CENPT: variants seen among roughly 807,000 people sequenced by gnomAD.
CENPT encodes centromere protein T.
In CENPT, 42 loss-of-function variants were observed where a neutral mutation model predicts 59.7. The ratio of observed to expected loss-of-function variants is 0.70; its 90% CI spans 0.55 to 0.91. CENPT has a LOEUF of 0.91. Ranked by LOEUF, CENPT falls within the 40% of genes least tolerant of loss-of-function variation. The pLI is 0.00. For synonymous variants in CENPT, 295 were observed against 289.6 expected, an observed-to-expected ratio of 1.02 and a Z score of -0.19; for missense variants, 716 against 713.4, an observed-to-expected ratio of 1.00 and a Z score of -0.04.
chr16:67,842,289 T>G lies in CENPT; in HGVS notation c.-492+5112A>C, dbSNP rs2057766710. On this transcript the variant is annotated intron_variant, in intron 1 of 15. Coordinates refer to ENST00000562787, the MANE Select transcript of CENPT (RefSeq NM_025082.4). This position sits in a 1 kb window ranked among gnomAD's most constrained non-coding sequence, Gnocchi z 4.9. ...GCGGGGCATTGTGGGGGGCGTAGTC[T>G]CTTTCTCAGGCGGTCCTTCGCGGCG... The G allele has an allele frequency of 6.1e-6, 1 of 163,394 alleles. No homozygotes were observed. The highest frequency in any genetic ancestry group is 6.4e-5 in the Admixed American group (1 of 15,648). 10.1% of individuals were successfully genotyped at this position (163,394 alleles called of 1,614,324 possible).
In CENPT at chr16:67,841,362, C is replaced by T. The variant is rs373044261; in HGVS notation, c.-491-5704G>A. 9.2e-5 allele frequency among the ~76,000 whole-genome samples: 14 copies of T among 152,216 alleles called. No individual in the cohort carries two copies. In the East Asian group the frequency reaches 1.7e-3, roughly 19 times the overall value. ...CATGTCCCAGTTTGGTATTTTCCTA[C>T]GCTTGGCCCTACCCGGGCCACCCCT... On this transcript the variant is annotated intron_variant, in intron 1 of 15. Transcript: ENST00000562787.
intron 1 of CENPT, among the ~76,000 whole-genome samples, chr16:67,844,929 TA>T (rs1241316494): frequency 6.6e-6 from 1 of 151,982 alleles, no homozygotes; most frequent in Non-Finnish European, 1.5e-5. Flanking sequence ...GCTGGGATTA[TA>T]GGCACCCGCC....
At position 67,831,928 on chromosome 16, in the gene CENPT, TC is replaced by T. The variant is rs771362580; in HGVS notation, c.387-39del. The T allele has an allele frequency of 4.4e-5, 71 of 1,599,032 alleles. No individual in the cohort carries two copies. In the African/African-American group the frequency reaches 9.2e-4, roughly 21 times the overall value. ...AGCTTATCTCAGACAGGCCAGGAAG[TC>T]CAATTCTGGCTTTTGCAACCCCCAA... On this transcript the variant is annotated intron_variant, in intron 7 of 15. Transcript: ENST00000562787.
At chr16:67,838,354 G>A (rs1426346475) in intron 1 of CENPT, among the ~76,000 whole-genome samples, 4 of 152,228 alleles carry the variant, frequency 2.6e-5, no homozygotes, top group Non-Finnish European at 5.9e-5. Flanking sequence ...AGGCACGGTG[G>A]TTCATGCCTG....
In CENPT at chr16:67,830,261, C is replaced by G. The variant is rs1178148932; in HGVS notation, c.862+129G>C. 2.3e-6 allele frequency: 3 copies of G among 1,303,924 alleles called. No individual in the cohort carries two copies. The South Asian group carries it at 4.0e-5, about 17-fold the overall frequency. 80.8% of individuals were successfully genotyped at this position (1,303,924 alleles called of 1,614,324 possible). ...CTCCTGGCCCAACATGGACTCTGCT[C>G]TTGGATGAAGGAGGCAGCCACAGCC... On this transcript the variant is annotated intron_variant, in intron 11 of 15. Coordinates refer to ENST00000562787, the MANE Select transcript of CENPT (RefSeq NM_025082.4).
At position 67,831,796 on chromosome 16, in the gene CENPT, C is replaced by A. The variant is rs1598142632; in HGVS notation, c.481G>T (p.Val161Leu). ...GRRKQRLRLS[V>L]FQQGVDQGLS... is the part of the protein sequence containing the mutation. Reference sequence around the variant, plus strand: ...CCCTGGTCCACTCCCTGCTGAAACACTGACAGTCTCAGCCTCTGTTTCCTC... The same window carrying A: ...CCCTGGTCCACTCCCTGCTGAAACAATGACAGTCTCAGCCTCTGTTTCCTC... Residue 161 changes from valine to leucine, a missense_variant, in exon 8 of 16, where the codon GTG becomes TTG. Coordinates refer to ENST00000562787, the MANE Select transcript of CENPT (RefSeq NM_025082.4). The A allele has an allele frequency of 3.1e-6, 5 of 1,594,070 alleles. No homozygotes were observed. In the East Asian group the frequency reaches 1.1e-4, roughly 36 times the overall value.
intron 1 of CENPT, among the ~76,000 whole-genome samples, chr16:67,839,396 A>C (rs1210523952): frequency 1.3e-5 from 2 of 151,218 alleles, no homozygotes; most frequent in East Asian, 1.9e-4. Flanking sequence ...AAAAAAAAAA[A>C]AAAACCAAAA....
chr16:67,840,243 G>A (rs1173343861), intron 1 of CENPT, among the ~76,000 whole-genome samples: 2 of 152,310 alleles, frequency 1.3e-5, no homozygotes, highest in African/African-American at 4.8e-5. Flanking sequence ...GCATGAACCC[G>A]GGAGGCAGAG....
rs1460502940 is a variant in CENPT at position 67,835,300 on chromosome 16, A to G, written c.-370T>C. The G allele has an allele frequency of 6.6e-6, 1 of 152,162 alleles. No individual in the cohort carries two copies. Among genetic ancestry groups the G allele is most frequent in the Non-Finnish European group, 1.5e-5 (1 of 68,024 alleles). The allele number at this position is 152,162 out of a possible 1,614,324, so 9.4% of individuals were successfully genotyped here. A position where few individuals can be genotyped will look rare whatever the true frequency, so the allele number is the denominator to read the frequency against. On this transcript the variant is annotated splice_region_variant and 5_prime_UTR_variant, in exon 3 of 16. Coordinates refer to ENST00000562787, the MANE Select transcript of CENPT (RefSeq NM_025082.4). Reference sequence around the variant, plus strand: ...TGGAGTTCACTTTCCCAGAATCTGCACTGAGATCAAGTGTAAATTATCAGA... The same window carrying G: ...TGGAGTTCACTTTCCCAGAATCTGCGCTGAGATCAAGTGTAAATTATCAGA...
At position 67,828,861 on chromosome 16, in the gene CENPT, C is replaced by T. The variant is rs764747171; in HGVS notation, c.1281-18G>A. 6 of 1,565,600 alleles carry T rather than the reference C, an allele frequency of 3.8e-6. No individual in the cohort carries two copies. Among genetic ancestry groups the T allele is most frequent in the Non-Finnish European group, 5.2e-6 (6 of 1,163,374 alleles). ...AAGATAAGCTGAGGGCAACAGTGGA[C>T]AGAGGGGGCTGAACTTGCCTCAAGG... On this transcript the variant is annotated intron_variant, in intron 13 of 15. Coordinates refer to ENST00000562787, the MANE Select transcript of CENPT (RefSeq NM_025082.4).
intron 1 of CENPT, among the ~76,000 whole-genome samples, chr16:67,840,922 G>T (rs901669373): frequency 3.3e-5 from 5 of 150,734 alleles, no homozygotes; most frequent in African/African-American, 1.2e-4. Context: ...CACTTTGGGA[G>T]GCCGAGGCGA....
rs1301749722 is a variant in CENPT at position 67,842,780 on chromosome 16, G to A, written c.-492+4621C>T. 6.2e-7 allele frequency: 1 copy of A among 1,610,722 alleles called. No individual in the cohort carries two copies. Among genetic ancestry groups the A allele is most frequent in the Non-Finnish European group, 8.5e-7 (1 of 1,178,972 alleles). On this transcript the variant is annotated intron_variant, in intron 1 of 15. Transcript: ENST00000562787. This position sits in a 1 kb window ranked among gnomAD's most constrained non-coding sequence, Gnocchi z 4.9. ...CGGCCGCAAGACCTACACGGTACGCGTCCCCACCATCTTCCCGCTGCGCGG... is the reference window on the plus strand; with the variant it reads ...CGGCCGCAAGACCTACACGGTACGCATCCCCACCATCTTCCCGCTGCGCGG...
At position 67,831,782 on chromosome 16, in the gene CENPT, T is replaced by G. The variant is rs1390084227; in HGVS notation, c.495A>C (p.Gly165=). 6.9e-6 allele frequency: 11 copies of G among 1,587,146 alleles called. No individual in the cohort carries two copies. The highest frequency in any genetic ancestry group is 9.4e-6 in the Non-Finnish European group (11 of 1,167,682). Reference sequence around the variant, plus strand: ...GGGAGAGAGACAGCCCCTGGTCCACTCCCTGCTGAAACACTGACAGTCTCA... The same window carrying G: ...GGGAGAGAGACAGCCCCTGGTCCACGCCCTGCTGAAACACTGACAGTCTCA... ...QRLRLSVFQQ[G]VDQGLSLSQE... Residue 165 remains glycine (G), a synonymous_variant, in exon 8 of 16, where the codon GGA becomes GGC. Coordinates refer to ENST00000562787, the MANE Select transcript of CENPT (RefSeq NM_025082.4).
In CENPT at chr16:67,843,797, C is replaced by T. The variant is rs2057780766; in HGVS notation, c.-492+3604G>A. 3 of 371,664 alleles carry T rather than the reference C, an allele frequency of 8.1e-6. No homozygotes were observed. The highest frequency in any genetic ancestry group is 2.1e-5 in the African/African-American group (1 of 47,486). 23.0% of individuals were successfully genotyped at this position (371,664 alleles called of 1,614,324 possible). A position where few individuals can be genotyped will look rare whatever the true frequency, so the allele number is the denominator to read the frequency against. On this transcript the variant is annotated intron_variant, in intron 1 of 15. Coordinates refer to ENST00000562787, the MANE Select transcript of CENPT (RefSeq NM_025082.4). This position sits in a 1 kb window ranked among gnomAD's most constrained non-coding sequence, Gnocchi z 5.7. ...CAGAACCACTGAACTTGAAACTTAC[C>T]CTCTAGGGATGCAGGTGGGATGTCC...
chr16:67,833,101 G>A (rs1274845565), intron 4 of CENPT, among the ~76,000 whole-genome samples: 1 of 152,158 alleles, frequency 6.6e-6, no homozygotes, highest in Non-Finnish European at 1.5e-5. Context: ...CAGTCTGGCA[G>A]ATGTCAACGT....
At chr16:67,836,167 C>T (rs2057733897) in intron 1 of CENPT, among the ~76,000 whole-genome samples, 1 of 151,556 alleles carries the variant, frequency 6.6e-6, no homozygotes, top group Non-Finnish European at 1.5e-5. Context: ...TCAAGCAATT[C>T]TCCCTGCCTC....
intron 1 of CENPT, among the ~76,000 whole-genome samples, chr16:67,844,782 A>ATTTT (rs61398471): frequency 7.0e-6 from 1 of 142,324 alleles, no homozygotes; most frequent in African/African-American, 2.5e-5. Context: ...GCCTGCCTCT[A>ATTTT]TTTTTTTTTT....
At chr16:67,836,766 TTTC>T (rs2057736826) in intron 1 of CENPT, among the ~76,000 whole-genome samples, 1 of 151,260 alleles carries the variant, frequency 6.6e-6, no homozygotes, top group Admixed American at 6.6e-5. Flanking sequence ...AAAGATGGGG[TTTC>T]TCCATGTTGG....
chr16:67,829,663 T>A (rs1437616535), intron 12 of CENPT, 102 bp downstream of exon 12: 2 of 1,387,296 alleles, frequency 1.4e-6, no homozygotes, highest in Admixed American at 2.1e-5. Context: ...CCTGACCCCC[T>A]ACCACCACCA....
Sources: allele counts gnomAD v4.1 joint callset (sites outside exome capture counted in the v4.1 genomes callset), GRCh38; gene constraint gnomAD v4.1.1; non-coding constraint Gnocchi (gnomAD v3.1); transcripts MANE v1.5; gene names NCBI Gene and HGNC (gene_info 2026-07-23, HGNC 2026-07-21).